Variants in CDH13 observed in about 807,000 individuals in gnomAD.
The protein encoded by CDH13 is cadherin-13.
CDH13 carries 24 observed loss-of-function variants against 63.8 expected under a neutral mutation model. The ratio of observed to expected loss-of-function variants is 0.38; its 90% CI spans 0.27 to 0.53. The LOEUF is 0.53. Ranked by LOEUF, CDH13 falls within the 20% of genes least tolerant of loss-of-function variation. CDH13 has a pLI of 0.85. For missense variants in CDH13, 1,049 were observed against 903.1 expected, an observed-to-expected ratio of 1.16 and a Z score of -2.07; for synonymous variants, 503 against 355.3, an observed-to-expected ratio of 1.42 and a Z score of -4.67.
At chr16:83,208,205 A>G (rs74031475) in intron 4 of CDH13, among the ~76,000 whole-genome samples, 5,350 of 152,184 alleles carry the variant, frequency 0.035, 301 homozygotes, top group African/African-American at 0.12. Flanking sequence ...TCACCAGGGT[A>G]TGGGGACTCT....
chr16:83,536,012 T>C (rs2075179927), intron 7 of CDH13, among the ~76,000 whole-genome samples: 2 of 152,158 alleles, frequency 1.3e-5, no homozygotes, highest in African/African-American at 4.8e-5. Context: ...ACAACCACCC[T>C]GGCTTTGGCC....
At chr16:83,360,963 T>C (rs1338801723) in intron 6 of CDH13, among the ~76,000 whole-genome samples, 2 of 152,216 alleles carry the variant, frequency 1.3e-5, no homozygotes, top group Non-Finnish European at 2.9e-5. Context: ...ATTTTGGATA[T>C]ATACCCAGGA....
chr16:83,185,728 A>G (rs1002066135), intron 4 of CDH13, among the ~76,000 whole-genome samples: 1 of 152,236 alleles, frequency 6.6e-6, no homozygotes, highest in African/African-American at 2.4e-5. Flanking sequence ...GGAGTGATCT[A>G]TGGAATAAAC....
chr16:83,395,435 T>G (rs905629074), intron 6 of CDH13, among the ~76,000 whole-genome samples: 1 of 152,152 alleles, frequency 6.6e-6, no homozygotes, highest in East Asian at 1.9e-4. Context: ...CCATCAGTGA[T>G]GTCTGGAAGG....
At chr16:82,903,996 A>G (rs959880326) in intron 2 of CDH13, among the ~76,000 whole-genome samples, 30 of 152,240 alleles carry the variant, frequency 2.0e-4, no homozygotes, top group African/African-American at 6.5e-4. Context: ...AAGTCATAGA[A>G]TCCTGTGATT....
In CDH13 at chr16:82,907,273, G is replaced by A. The variant is rs187626308; in HGVS notation, c.157+48800G>A. On this transcript the variant is annotated intron_variant, in intron 2 of 13. Coordinates refer to ENST00000567109, the MANE Select transcript of CDH13 (RefSeq NM_001257.5). Reference sequence around the variant, plus strand: ...AGGTGATATGTTTGCAGGAGGAAGGGGTGGCCCACAGTGACCCCCGCTGCC... The same window carrying A: ...AGGTGATATGTTTGCAGGAGGAAGGAGTGGCCCACAGTGACCCCCGCTGCC... Among the ~76,000 whole-genome samples the A allele has an allele frequency of 2.5e-3, 378 of 152,180 alleles. 2 individuals are homozygous for A. Among genetic ancestry groups the A allele is most frequent in the African/African-American group, 8.6e-3 (358 of 41,510 alleles).
At chr16:82,783,467 G>A (rs559481448) in intron 1 of CDH13, among the ~76,000 whole-genome samples, 1 of 152,182 alleles carries the variant, frequency 6.6e-6, no homozygotes, top group East Asian at 1.9e-4. Flanking sequence ...AAAGAGATTG[G>A]GCTGCAAGGA....
At chr16:83,400,979 G>GCCTCA (rs140788066) in intron 6 of CDH13, among the ~76,000 whole-genome samples, 1 of 152,054 alleles carries the variant, frequency 6.6e-6, no homozygotes, top group Non-Finnish European at 1.5e-5. Flanking sequence ...GGAGGTGAAG[G>GCCTCA]GATCACTTGA....
At chr16:83,557,555 T>C (rs548729087) in intron 7 of CDH13, among the ~76,000 whole-genome samples, 10 of 152,092 alleles carry the variant, frequency 6.6e-5, no homozygotes, top group Non-Finnish European at 1.2e-4. Context: ...CTTTCGGAAA[T>C]AGTACAGATA....
intron 6 of CDH13, among the ~76,000 whole-genome samples, chr16:83,409,405 G>A (rs1467922728): frequency 6.6e-6 from 1 of 152,198 alleles, no homozygotes; most frequent in African/African-American, 2.4e-5. Flanking sequence ...GGCAATGGTA[G>A]TTGTCTGCCT....
At chr16:82,909,692 T>A (rs1054045750) in intron 2 of CDH13, among the ~76,000 whole-genome samples, 2 of 152,020 alleles carry the variant, frequency 1.3e-5, no homozygotes, top group African/African-American at 4.8e-5. Context: ...GGGAACAGCA[T>A]GAGAAAGACC....
At chr16:82,953,454 C>G (rs1160465866) in intron 2 of CDH13, 2 of 152,060 alleles carry the variant, frequency 1.3e-5, no homozygotes, top group East Asian at 3.9e-4. Flanking sequence ...TTCAGAAAAT[C>G]TAATATAATC....
intron 1 of CDH13, among the ~76,000 whole-genome samples, chr16:82,830,531 G>A (rs1273751927): frequency 6.6e-6 from 1 of 152,150 alleles, no homozygotes; most frequent in Non-Finnish European, 1.5e-5. Flanking sequence ...AGTGTCGTTT[G>A]CTTGTGAATG....
At chr16:83,014,168 G>A (rs186225539) in intron 2 of CDH13, among the ~76,000 whole-genome samples, 1 of 151,844 alleles carries the variant, frequency 6.6e-6, no homozygotes, top group African/African-American at 2.4e-5. Context: ...TAGAATTGCC[G>A]ATATTATAAA....
At chr16:83,732,654 A>G (rs1420253144) in intron 10 of CDH13, among the ~76,000 whole-genome samples, 2 of 152,166 alleles carry the variant, frequency 1.3e-5, no homozygotes, top group Admixed American at 1.3e-4. Flanking sequence ...ATGTTCCCAC[A>G]CGTAGAAACA....
At chr16:83,040,353 G>A (rs1567772371) in intron 3 of CDH13, among the ~76,000 whole-genome samples, 1 of 152,256 alleles carries the variant, frequency 6.6e-6, no homozygotes, top group East Asian at 1.9e-4. Context: ...TCCCATCGTA[G>A]GCCATCTGCA....
chr16:83,216,429 T>TATATATATATATATATATATATAA (rs1282063080), intron 4 of CDH13, among the ~76,000 whole-genome samples: 34 of 105,688 alleles, frequency 3.2e-4, no homozygotes, highest in Non-Finnish European at 5.3e-4. Context: ...TATATATATA[T>TATATATATATATATATATATATAA]ATATATATAT....
chr16:82,774,548 T>C (rs893937322), intron 1 of CDH13, among the ~76,000 whole-genome samples: 2 of 152,236 alleles, frequency 1.3e-5, no homozygotes, highest in Non-Finnish European at 2.9e-5. Context: ...AATTATTTCA[T>C]TCAACAAGCA....
At chr16:83,567,265 C>T (rs1230037642) in intron 7 of CDH13, among the ~76,000 whole-genome samples, 2 of 152,198 alleles carry the variant, frequency 1.3e-5, no homozygotes, top group Non-Finnish European at 2.9e-5. Flanking sequence ...ATCTGTGAGT[C>T]TGTAGAAGAA....
Sources: allele counts gnomAD v4.1 joint callset (sites outside exome capture counted in the v4.1 genomes callset), GRCh38; gene constraint gnomAD v4.1.1; transcripts MANE v1.5; gene names NCBI Gene and HGNC (gene_info 2026-07-23, HGNC 2026-07-21).